The following CTNNA2 variants were observed in gnomAD, a reference collection of about 807,000 sequenced individuals.
CTNNA2 encodes catenin alpha 2.
CTNNA2 carries 42 observed loss-of-function variants against 101.0 expected under a neutral mutation model. The ratio of observed to expected loss-of-function variants is 0.42; its 90% CI spans 0.32 to 0.54. CTNNA2 has a LOEUF of 0.54. CTNNA2 is among the 20% of genes least tolerant of loss of function. The pLI, the probability that CTNNA2 is intolerant of heterozygous loss-of-function variation, is 0.14. For missense variants in CTNNA2, 871 were observed against 1,223.1 expected (o/e 0.71, Z 4.29); for synonymous variants, 450 against 456.4 (o/e 0.99, Z 0.18).
At chr2:79,811,453 A>T (rs1372204771) in intron 3 of CTNNA2, among the ~76,000 whole-genome samples, 1 of 151,914 alleles carries the variant, frequency 6.6e-6, no homozygotes, top group Non-Finnish European at 1.5e-5. Flanking sequence ...GATTGCAGAA[A>T]TTTTCTCCCA....
intron 4 of CTNNA2, among the ~76,000 whole-genome samples, chr2:79,491,596 G>C (rs1671207745): frequency 6.6e-6 from 1 of 152,170 alleles, no homozygotes. Context: ...TCTCAGAAGA[G>C]TAACTCTGAA....
At chr2:80,528,609 CA>C (rs1457628700) in intron 9 of CTNNA2, among the ~76,000 whole-genome samples, 1 of 152,042 alleles carries the variant, frequency 6.6e-6, no homozygotes, top group Non-Finnish European at 1.5e-5. Flanking sequence ...AATGTGAGCC[CA>C]ACTCCACACT....
At chr2:80,405,292 G>C (rs1678958304) in intron 8 of CTNNA2, among the ~76,000 whole-genome samples, 1 of 152,074 alleles carries the variant, frequency 6.6e-6, no homozygotes, top group African/African-American at 2.4e-5. Flanking sequence ...TCCGAGTAGA[G>C]TATTGAAATT....
At chr2:79,563,181 ATATATATT>A (rs764944481) in intron 1 of CTNNA2, among the ~76,000 whole-genome samples, 139 of 96,604 alleles carry the variant, frequency 1.4e-3, no homozygotes, top group Middle Eastern at 5.8e-3. Flanking sequence ...ATATATATAT[ATATATATT>A]TTCCTTCATT....
intron 2 of CTNNA2, among the ~76,000 whole-genome samples, chr2:79,672,081 A>C (rs1436888691): frequency 2.0e-5 from 3 of 152,142 alleles, no homozygotes; most frequent in Non-Finnish European, 4.4e-5. Flanking sequence ...ATCTTGGTCA[A>C]AAATGCCTAT....
chr2:79,872,692 C>T (rs540104256), intron 5 of CTNNA2, among the ~76,000 whole-genome samples: 2 of 152,224 alleles, frequency 1.3e-5, no homozygotes, highest in African/African-American at 4.8e-5. Flanking sequence ...TCTTAGATAT[C>T]AAATATAATG....
chr2:79,578,975 A>G (rs1675971423), intron 1 of CTNNA2, among the ~76,000 whole-genome samples: 1 of 152,052 alleles, frequency 6.6e-6, no homozygotes, highest in Non-Finnish European at 1.5e-5. Flanking sequence ...TATTCCTGTC[A>G]TATTTGACAT....
chr2:79,896,081 G>A (rs370387888), intron 6 of CTNNA2, among the ~76,000 whole-genome samples: 16 of 152,164 alleles, frequency 1.1e-4, no homozygotes, highest in African/African-American at 2.4e-4. Context: ...CTGGGAGGTC[G>A]AAACCAGCCT....
intron 8 of CTNNA2, among the ~76,000 whole-genome samples, chr2:80,415,153 G>C (rs1198701045): frequency 6.6e-6 from 1 of 152,112 alleles, no homozygotes; most frequent in Non-Finnish European, 1.5e-5. Context: ...CACAATACTG[G>C]GTCAGTAACA....
intron 2 of CTNNA2, among the ~76,000 whole-genome samples, chr2:79,298,302 T>C (rs1434205): frequency 0.28 from 42,759 of 151,940 alleles, 9,033 homozygotes; most frequent in African/African-American, 0.6. Flanking sequence ...CAGGAACGAA[T>C]AGAGAAAGAG....
At chr2:79,274,942 A>G (rs1486245538) in intron 2 of CTNNA2, among the ~76,000 whole-genome samples, 1 of 152,012 alleles carries the variant, frequency 6.6e-6, no homozygotes, top group Non-Finnish European at 1.5e-5. Flanking sequence ...CATCAAGGAT[A>G]AATATGGTTG....
At chr2:79,593,382 C>A (rs1676984288) in intron 1 of CTNNA2, among the ~76,000 whole-genome samples, 1 of 152,206 alleles carries the variant, frequency 6.6e-6, no homozygotes, top group Middle Eastern at 3.2e-3. Flanking sequence ...TTGTAGAACA[C>A]AATGGAACAG....
chr2:79,441,053 G>A (rs1455369196), intron 4 of CTNNA2, among the ~76,000 whole-genome samples: 2 of 152,172 alleles, frequency 1.3e-5, no homozygotes, highest in Non-Finnish European at 2.9e-5. Flanking sequence ...TCATCTCAGG[G>A]AGAAAATTCC....
chr2:80,476,694 G>T (rs1685756070), intron 9 of CTNNA2, among the ~76,000 whole-genome samples: 1 of 152,106 alleles, frequency 6.6e-6, no homozygotes, highest in African/African-American at 2.4e-5. Flanking sequence ...ACACCACAAT[G>T]CTCCTCCCCT....
At position 79,869,928 on chromosome 2, in the gene CTNNA2, G is replaced by A; in HGVS notation, c.578G>A (p.Arg193Lys). The A allele has an allele frequency of 2.5e-6, 4 of 1,613,272 alleles. No homozygotes were observed. The highest frequency in any genetic ancestry group is 2.5e-6 in the Non-Finnish European group (3 of 1,179,868). The change falls in exon 5 of 19, where the codon AGA becomes AAA. Residue 193 changes from arginine to lysine, a missense_variant. Physicochemically the swap from Arg to Lys is conservative, Grantham distance 26 (BLOSUM62 2). This residue lies in a region of CTNNA2 where 647 missense variants were observed against 831.5 expected (regional missense o/e 0.78). Coordinates refer to ENST00000402739, the MANE Select transcript of CTNNA2 (RefSeq NM_001282597.3). ...MVKLNYVAAR[R>K]QQELKDPHCR... ...AAACTTAACTATGTAGCAGCAAGAA[G>A]ACAACAGGTGGGAAAGATTTTAGAA...
At chr2:79,766,297 A>G (rs1316079016) in intron 3 of CTNNA2, among the ~76,000 whole-genome samples, 1 of 152,212 alleles carries the variant, frequency 6.6e-6, no homozygotes, top group Non-Finnish European at 1.5e-5. Flanking sequence ...TTCACCAGAT[A>G]TACTATTCTG....
At chr2:80,013,008 T>A (rs1477568761) in intron 7 of CTNNA2, among the ~76,000 whole-genome samples, 1 of 152,032 alleles carries the variant, frequency 6.6e-6, no homozygotes, top group African/African-American at 2.4e-5. Context: ...TACAAAAAGT[T>A]TTTAAAACTT....
chr2:79,830,530 C>A (rs1039605304), intron 3 of CTNNA2, among the ~76,000 whole-genome samples: 1 of 152,164 alleles, frequency 6.6e-6, no homozygotes, highest in Non-Finnish European at 1.5e-5. Flanking sequence ...TGGTCTACTT[C>A]ACAGTGTTGC....
intron 1 of CTNNA2, among the ~76,000 whole-genome samples, chr2:79,544,345 C>T (rs555123577): frequency 7.2e-5 from 11 of 152,268 alleles, no homozygotes; most frequent in Non-Finnish European, 1.3e-4. Flanking sequence ...AAAGACAAAC[C>T]ACAAAATGAC....
Sources: allele counts gnomAD v4.1 joint callset (sites outside exome capture counted in the v4.1 genomes callset), GRCh38; gene constraint gnomAD v4.1.1; regional missense constraint gnomAD v4.1.1; transcripts MANE v1.5; gene names NCBI Gene and HGNC (gene_info 2026-07-23, HGNC 2026-07-21).